PLEKHA2: variants seen among roughly 807,000 people sequenced by gnomAD.
PLEKHA2 encodes the protein pleckstrin homology domain containing A2.
PLEKHA2 carries 28 observed loss-of-function variants against 53.2 expected under a neutral mutation model. The observed-to-expected ratio is 0.53, with a 90% CI of 0.39 to 0.72. The LOEUF (loss-of-function observed/expected upper bound fraction) is 0.72, where lower values mean the gene tolerates loss of function less well. Among genes scored for constraint, PLEKHA2 ranks in the 30% least tolerant of loss-of-function variants. PLEKHA2 has a pLI of 0.00. For synonymous variants in PLEKHA2, 193 were observed against 196.4 expected (o/e 0.98, Z 0.14); for missense variants, 426 against 537.9 (o/e 0.79, Z 2.06).
At chr8:38,950,533 A>T in intron 5 of PLEKHA2, 1 of 229,992 alleles carries the variant, frequency 4.3e-6, no homozygotes, top group Non-Finnish European at 8.5e-6. Context: ...CCCTACTAGC[A>T]TGTAAGTGCC....
intron 8 of PLEKHA2, 84 bp downstream of exon 8, chr8:38,952,788 A>G: frequency 7.2e-7 from 1 of 1,384,458 alleles, no homozygotes; most frequent in Non-Finnish European, 1.0e-6. Flanking sequence ...AGCGTGCATG[A>G]GTGGAGATGT....
chr8:38,922,584 C>G lies in PLEKHA2; in HGVS notation c.141+4514C>G, dbSNP rs1231799719. Reference sequence around the variant, plus strand: ...TTTGATAGGGACAAGGAGATGCCTGCTATGTTTTCTTAATTATTTAATAGG... The same window carrying G: ...TTTGATAGGGACAAGGAGATGCCTGGTATGTTTTCTTAATTATTTAATAGG... On this transcript the variant is annotated intron_variant, in intron 2 of 11. Transcript: ENST00000617275. This position sits in a 1 kb window ranked among gnomAD's most constrained non-coding sequence, Gnocchi z 4.0. Among the ~76,000 whole-genome samples the G allele has an allele frequency of 6.6e-6, 1 of 152,174 alleles. No individual in the cohort carries two copies. Among genetic ancestry groups the G allele is most frequent in the African/African-American group, 2.4e-5 (1 of 41,444 alleles).
At chr8:38,958,123 GAGACCAGCCTGGTCAACATGGTGAAA>G (rs1261057542) in intron 10 of PLEKHA2, among the ~76,000 whole-genome samples, 3 of 152,138 alleles carry the variant, frequency 2.0e-5, no homozygotes, top group Non-Finnish European at 4.4e-5. Context: ...TCAGGAGTTT[GAGACCAGCCTGGTCAACATGGTGAAA>G]ACCCCATCTT....
chr8:38,964,045 A>T (rs546937964), intron 10 of PLEKHA2, among the ~76,000 whole-genome samples: 95 of 152,336 alleles, frequency 6.2e-4, no homozygotes, highest in African/African-American at 2.2e-3. Flanking sequence ...ATGTTGGCAA[A>T]TGAAATTTAT....
Position 38,971,316 on chromosome 8 carries a change from G to T in PLEKHA2, c.*1533G>T, listed in dbSNP as rs1835244228. 1 of 154,196 alleles carries T rather than the reference G, an allele frequency of 6.5e-6. No individual in the cohort carries two copies. 9.6% of individuals were successfully genotyped at this position (154,196 alleles called of 1,614,324 possible). A position where few individuals can be genotyped will look rare whatever the true frequency, so the allele number is the denominator to read the frequency against. On this transcript the variant is annotated 3_prime_UTR_variant, in exon 12 of 12. Transcript: ENST00000617275. ...TTCTCTCCCTTCCATCCCTTCCCCTGCCTTTCCTATACACGCTGGTGTGCT... is the reference window on the plus strand; with the variant it reads ...TTCTCTCCCTTCCATCCCTTCCCCTTCCTTTCCTATACACGCTGGTGTGCT...
In PLEKHA2 at chr8:38,918,051, G is replaced by T. The variant is rs1443597477; in HGVS notation, c.122G>T (p.Trp41Leu). The change falls in exon 2 of 12, where the codon TGG (tryptophan) becomes TTG (leucine). Residue 41 changes from tryptophan (W) to leucine (L), a missense_variant. Coordinates refer to ENST00000617275, the MANE Select transcript of PLEKHA2 (RefSeq NM_021623.2). The stretch of plus-strand genomic sequence containing the variant: ...GACACCCAGGCTAACTGCCTCCTCT[G>T]GTATATGGACAACCCCCAGGTGAGA... ...ILDTQANCLL[W>L]YMDNPQNLAM... 1 of 1,613,140 alleles carries T rather than the reference G, an allele frequency of 6.2e-7. No homozygotes were observed. Among genetic ancestry groups the T allele is most frequent in the Non-Finnish European group, 8.5e-7 (1 of 1,179,498 alleles).
chr8:38,968,698 G>A, intron 11 of PLEKHA2, 29 bp downstream of exon 11: 1 of 1,610,372 alleles, frequency 6.2e-7, no homozygotes, highest in Non-Finnish European at 8.5e-7. Flanking sequence ...GTTGCACAGT[G>A]TCAACTCAGA....
chr8:38,934,541 T>C (rs1354193710), intron 2 of PLEKHA2, among the ~76,000 whole-genome samples: 1 of 152,104 alleles, frequency 6.6e-6, no homozygotes, highest in African/African-American at 2.4e-5. Flanking sequence ...AGTCTCAGAT[T>C]CACAGGGGGA....
chr8:38,913,363 C>G (rs1160623632), intron 1 of PLEKHA2, among the ~76,000 whole-genome samples: 5 of 43,798 alleles, frequency 1.1e-4, no homozygotes, highest in Non-Finnish European at 1.7e-4. Flanking sequence ...GACTCCATCT[C>G]AAAAAGGAAA....
intron 1 of PLEKHA2, among the ~76,000 whole-genome samples, chr8:38,915,458 G>A (rs536754424): frequency 1.3e-5 from 2 of 152,220 alleles, no homozygotes; most frequent in Non-Finnish European, 2.9e-5. Flanking sequence ...CAGGGCCTGC[G>A]CCTCGGCTTC....
At position 38,941,613 on chromosome 8, in the gene PLEKHA2, G is replaced by A. The variant is rs147369252; in HGVS notation, c.199-2176G>A. Among the ~76,000 whole-genome samples, 44 of 152,260 alleles carry A rather than the reference G, an allele frequency of 2.9e-4. No homozygotes were observed. In the East Asian group the frequency reaches 5.4e-3, roughly 19 times the overall value. On this transcript the variant is annotated intron_variant, in intron 3 of 11. Coordinates refer to ENST00000617275, the MANE Select transcript of PLEKHA2 (RefSeq NM_021623.2). ...CTCATGGACCCTCAGCATTTTGCCC[G>A]TAGTTCCAGGTGGGACACTGCCTGT...
At chr8:38,908,941 G>A (rs1833917306) in intron 1 of PLEKHA2, among the ~76,000 whole-genome samples, 1 of 152,068 alleles carries the variant, frequency 6.6e-6, no homozygotes, top group Non-Finnish European at 1.5e-5. Flanking sequence ...TCAGGAGATC[G>A]AGACCATCCT....
chr8:38,935,959 C>G (rs374421556), intron 2 of PLEKHA2, 35 bp from the exon 3 acceptor site: 1 of 1,606,124 alleles, frequency 6.2e-7, no homozygotes, highest in Non-Finnish European at 8.5e-7. Flanking sequence ...GCTGTTTCCA[C>G]AGCCTTCTTA....
chr8:38,943,961 T>A (rs1234175059), intron 4 of PLEKHA2, 124 bp downstream of exon 4: 3 of 686,674 alleles, frequency 4.4e-6, no homozygotes, highest in African/African-American at 3.7e-5. Flanking sequence ...TAAATCACAG[T>A]GACGGTCCTG....
At chr8:38,930,287 C>T (rs1190160485) in intron 2 of PLEKHA2, among the ~76,000 whole-genome samples, 2 of 152,128 alleles carry the variant, frequency 1.3e-5, no homozygotes, top group African/African-American at 4.8e-5. Context: ...CTGCAACCTT[C>T]GCCTCCTGGG....
chr8:38,967,081 A>G (rs988545752), intron 10 of PLEKHA2, among the ~76,000 whole-genome samples: 3 of 152,136 alleles, frequency 2.0e-5, no homozygotes, highest in African/African-American at 4.8e-5. Flanking sequence ...TTCACTTAAG[A>G]TAATAGTTTC....
intron 2 of PLEKHA2, among the ~76,000 whole-genome samples, chr8:38,925,301 AC>A (rs1292768417): frequency 1.1e-4 from 17 of 152,186 alleles, no homozygotes; most frequent in Non-Finnish European, 7.3e-5. Flanking sequence ...GGGCCGCCCT[AC>A]TCTAGTACAG....
intron 9 of PLEKHA2, among the ~76,000 whole-genome samples, chr8:38,956,215 G>C (rs1834937776): frequency 6.6e-6 from 1 of 152,242 alleles, no homozygotes; most frequent in Admixed American, 6.5e-5. Flanking sequence ...AACTTGGGCT[G>C]CTTTGAGGTT....
chr8:38,933,914 G>T (rs1199249093), intron 2 of PLEKHA2, among the ~76,000 whole-genome samples: 10 of 151,954 alleles, frequency 6.6e-5, no homozygotes, highest in Admixed American at 6.6e-4. Context: ...TTAGCTTACT[G>T]CCTCATTCGC....
Sources: gnomAD v4.1 joint callset for allele counts (sites outside exome capture counted in the v4.1 genomes callset) on GRCh38, gnomAD v4.1.1 for gene constraint, Gnocchi (gnomAD v3.1) non-coding constraint, MANE v1.5 for transcripts, NCBI Gene and HGNC (gene_info 2026-07-23, HGNC 2026-07-21) for gene names.